PPP4R2: variants seen among roughly 807,000 people sequenced by gnomAD.
PPP4R2 encodes the protein serine/threonine-protein phosphatase 4 regulatory subunit 2.
PPP4R2 carries 13 observed loss-of-function variants against 47.2 expected under a neutral mutation model. That is an observed-to-expected ratio of 0.28 (90% CI 0.18 to 0.44). PPP4R2 has a LOEUF of 0.44. PPP4R2 is among the 20% of genes least tolerant of loss of function. The probability of loss-of-function intolerance (pLI) is 1.00; values close to 1 mark genes in which losing one functional copy is unlikely to be tolerated. For missense variants in PPP4R2, 421 were observed against 491.2 expected (o/e 0.86, Z 1.35); for synonymous variants, 151 against 163.3 (o/e 0.92, Z 0.57).
rs1001324192 is a variant in PPP4R2 at position 72,996,905 on chromosome 3, T to TC, written c.-124dup. ...CACGCTTCCCCCGGCTCCCTTCGTT[T>TC]CCCCCCCCCGGTCGCCTGCGTGCCG... On this transcript the variant is annotated 5_prime_UTR_variant, in exon 1 of 9. Transcript: ENST00000356692. The TC allele has an allele frequency of 1.6e-3, 825 of 505,290 alleles. No individual in the cohort carries two copies. The highest frequency in any genetic ancestry group is 2.7e-3 in the South Asian group (34 of 12,654). 31.3% of individuals were successfully genotyped at this position (505,290 alleles called of 1,614,324 possible).
rs1022147839 is a variant in PPP4R2, at chr3:72,998,711, C to T, written c.116+553C>T. On this transcript the variant is annotated intron_variant, in intron 2 of 8. Coordinates refer to ENST00000356692, the MANE Select transcript of PPP4R2 (RefSeq NM_174907.4). ...TAAGATAGCTGACTTGTTACATATG[C>T]TCAGCATTTTATTCAGCTCGTTTCC... Among the ~76,000 whole-genome samples the T allele has an allele frequency of 8.5e-5, 13 of 152,268 alleles. No homozygotes were observed. The South Asian group carries it at 2.1e-3, about 24-fold the overall frequency.
At chr3:73,055,193 A>AT (rs753701798) in intron 3 of PPP4R2, among the ~76,000 whole-genome samples, 98 of 152,280 alleles carry the variant, frequency 6.4e-4, no homozygotes, top group Non-Finnish European at 8.8e-4. Context: ...ATCTCTATCA[A>AT]AGAGTAGATG....
At chr3:73,007,302 CTTT>C (rs1403364898) in intron 2 of PPP4R2, among the ~76,000 whole-genome samples, 1 of 151,812 alleles carries the variant, frequency 6.6e-6, no homozygotes, top group Non-Finnish European at 1.5e-5. Flanking sequence ...GTTTGAAGTT[CTTT>C]GTGTTCAGGT....
chr3:73,058,977 A>G (rs1702787344), intron 3 of PPP4R2, 60 bp from the exon 4 acceptor site: 6 of 1,031,858 alleles, frequency 5.8e-6, no homozygotes, highest in African/African-American at 1.6e-5. Flanking sequence ...AAAAGAAATA[A>G]TGTTCCTCGT....
rs773952458 is a variant in PPP4R2, at chr3:73,021,844, CTA to C, written c.116+23690_116+23691del. 8.1e-3 allele frequency among the ~76,000 whole-genome samples: 1,112 copies of C among 137,324 alleles called. 8 individuals are homozygous for C. The highest frequency in any genetic ancestry group is 0.01 in the African/African-American group (355 of 34,880). 90.1% of individuals were successfully genotyped at this position (137,324 alleles called of 152,430 possible). ...ACTTTAACAGTGAAGTATTACATTT[CTA>C]TATGTGTGTGTGTGTGTGTGTGTGT... On this transcript the variant is annotated intron_variant, in intron 2 of 8. Transcript: ENST00000356692.
In PPP4R2 at chr3:73,068,382, A is replaced by G. The variant is rs919286453; in HGVS notation, c.*2660A>G. The G allele has an allele frequency of 3.9e-5, 6 of 152,164 alleles. No homozygotes were observed. Among genetic ancestry groups the G allele is most frequent in the African/African-American group, 1.4e-4 (6 of 41,432 alleles). 9.4% of individuals were successfully genotyped at this position (152,164 alleles called of 1,614,324 possible). A position where few individuals can be genotyped will look rare whatever the true frequency, so the allele number is the denominator to read the frequency against. ...TGAGGAAAGTGAGATATATATATAT[A>G]TATGTATTATGTTTCTAGCACTTTT... On this transcript the variant is annotated 3_prime_UTR_variant, in exon 9 of 9. Transcript: ENST00000356692.
At chr3:73,008,212 A>T (rs966204849) in intron 2 of PPP4R2, among the ~76,000 whole-genome samples, 5 of 152,198 alleles carry the variant, frequency 3.3e-5, no homozygotes, top group Admixed American at 2.6e-4. Context: ...AAGTCCTCTC[A>T]TGTGCTGTCA....
chr3:73,064,765 T>C lies in PPP4R2; in HGVS notation c.639-87T>C, dbSNP rs562074237. On this transcript the variant is annotated intron_variant, in intron 7 of 8. Coordinates refer to ENST00000356692, the MANE Select transcript of PPP4R2 (RefSeq NM_174907.4). ...ATTTAACTTTGACACTGAAATACAA[T>C]TTAAAACATTATTTAACCTTAAAAA... The C allele has an allele frequency of 2.6e-5, 31 of 1,187,010 alleles. No individual in the cohort carries two copies. The Admixed American group carries it at 6.9e-4, about 26-fold the overall frequency. The allele number at this position is 1,187,010 out of a possible 1,614,324, so 73.5% of individuals were successfully genotyped here.
At chr3:73,044,207 T>C (rs1702436295) in intron 2 of PPP4R2, among the ~76,000 whole-genome samples, 1 of 144,112 alleles carries the variant, frequency 6.9e-6, no homozygotes, top group South Asian at 2.3e-4. Flanking sequence ...AATCATAGGG[T>C]GGTTTCATAA....
chr3:73,016,469 TC>T (rs1414943446), intron 2 of PPP4R2, among the ~76,000 whole-genome samples: 1 of 152,146 alleles, frequency 6.6e-6, no homozygotes, highest in Non-Finnish European at 1.5e-5. Flanking sequence ...GTCAGTAGTG[TC>T]AAGGTTGAGA....
chr3:73,062,952 G>C, intron 5 of PPP4R2: 1 of 1,506,524 alleles, frequency 6.6e-7, no homozygotes, highest in Non-Finnish European at 9.2e-7. Context: ...AATGTTTCTA[G>C]ATCAGTGCAT....
intron 3 of PPP4R2, among the ~76,000 whole-genome samples, chr3:73,053,636 G>T (rs529392463): frequency 6.6e-6 from 1 of 152,068 alleles, no homozygotes; most frequent in African/African-American, 2.4e-5. Context: ...TTAGCTGGGC[G>T]TGGTGGCTCA....
intron 1 of PPP4R2, 23 bp from the exon 2 acceptor site, chr3:72,998,053 GT>G (rs761246883): frequency 2.3e-5 from 35 of 1,496,664 alleles, no homozygotes; most frequent in African/African-American, 7.0e-5. Flanking sequence ...AACTGATAAC[GT>G]TTTTTTTTCT....
Position 73,066,322 on chromosome 3 carries a change from C to CT in PPP4R2, c.*605dup, listed in dbSNP as rs1195201311. On this transcript the variant is annotated 3_prime_UTR_variant, in exon 9 of 9. Coordinates refer to ENST00000356692, the MANE Select transcript of PPP4R2 (RefSeq NM_174907.4). Reference sequence around the variant, plus strand: ...CTATAAGAGATGAATACAGTGGATACTTTTTCTATTGGTAATGATTGAGTT... The same window carrying CT: ...CTATAAGAGATGAATACAGTGGATACTTTTTTCTATTGGTAATGATTGAGTT... 13 of 148,754 alleles carry CT rather than the reference C, an allele frequency of 8.7e-5. No homozygotes were observed. Among genetic ancestry groups the CT allele is most frequent in the Non-Finnish European group, 1.5e-4 (10 of 67,204 alleles). The allele number at this position is 148,754 out of a possible 1,614,324, so 9.2% of individuals were successfully genotyped here.
At chr3:73,007,018 G>A (rs1039919142) in intron 2 of PPP4R2, among the ~76,000 whole-genome samples, 6 of 152,170 alleles carry the variant, frequency 3.9e-5, no homozygotes. Context: ...CTGCTCTCTA[G>A]TTTGGTCAGC....
chr3:73,012,490 A>G (rs1701745780), intron 2 of PPP4R2, among the ~76,000 whole-genome samples: 1 of 152,084 alleles, frequency 6.6e-6, no homozygotes, highest in African/African-American at 2.4e-5. Context: ...TTTAGTAAAG[A>G]CTGTGTTTCA....
chr3:73,002,634 CTTTTTTTTT>C (rs1173734970), intron 2 of PPP4R2, among the ~76,000 whole-genome samples: 2 of 41,166 alleles, frequency 4.9e-5, no homozygotes, highest in Admixed American at 2.7e-4. Context: ...CTTTTCTTTT[CTTTTTTTTT>C]TTTTTTTTTT....
At chr3:73,011,875 T>C (rs886904838) in intron 2 of PPP4R2, among the ~76,000 whole-genome samples, 1 of 152,220 alleles carries the variant, frequency 6.6e-6, no homozygotes, top group Admixed American at 6.5e-5. Flanking sequence ...TATTGGGAGG[T>C]AGTTCTAATA....
At chr3:73,048,715 A>G (rs1702541931) in intron 3 of PPP4R2, among the ~76,000 whole-genome samples, 1 of 152,228 alleles carries the variant, frequency 6.6e-6, no homozygotes, top group African/African-American at 2.4e-5. Flanking sequence ...TTAGAATTAG[A>G]TAGTATTTGA....
Sources: allele counts gnomAD v4.1 joint callset (sites outside exome capture counted in the v4.1 genomes callset), GRCh38; gene constraint gnomAD v4.1.1; transcripts MANE v1.5; gene names NCBI Gene and HGNC (gene_info 2026-07-23, HGNC 2026-07-21).